The following CIZ1 variants were observed in gnomAD, a reference collection of about 807,000 sequenced individuals.
The protein encoded by CIZ1 is CDKN1A interacting zinc finger protein 1.
A neutral mutation model predicts 118.6 loss-of-function variants in CIZ1; 58 were observed. The observed-to-expected ratio is 0.49, with a 90% CI of 0.40 to 0.61. CIZ1 has a LOEUF of 0.61. Among genes scored for constraint, CIZ1 ranks in the 20% least tolerant of loss-of-function variants. The pLI is 0.00. For missense variants in CIZ1, 921 were observed against 1,115.9 expected (o/e 0.83, Z 2.49); for synonymous variants, 448 against 443.4 (o/e 1.01, Z -0.13).
intron 1 of CIZ1, 27 bp from the exon 2 acceptor site, chr9:128,190,889 A>G: frequency 6.6e-7 from 1 of 1,518,564 alleles, no homozygotes; most frequent in Non-Finnish European, 8.8e-7. Flanking sequence ...GAGTGAGGCA[A>G]GGGGTCCCCA....
chr9:128,191,895 C>A (rs144814370), upstream of CIZ1: 6,480 of 1,445,730 alleles, frequency 4.5e-3, 18 homozygotes, highest in Non-Finnish European at 5.1e-3. The surrounding 1 kb of genome is among the most constrained non-coding windows in gnomAD (Gnocchi z 5.5). Context: ...TGGGGCCCCG[C>A]GCGGGGCTGC....
Position 128,203,420 on chromosome 9 carries a change from C to T in CIZ1, c.-6+766G>A. ...TGCAGCGGCGGAGCCGGAGTCGGAG[C>T]CGGGAGCGCTAGCGGCAGCCGGATC... On this transcript the variant is annotated intron_variant, in intron 1 of 17. Coordinates refer to the CIZ1 transcript ENST00000372948. The surrounding 1 kb of genome is among the most constrained non-coding windows in gnomAD (Gnocchi z 5.3). 4 of 1,395,496 alleles carry T rather than the reference C, an allele frequency of 2.9e-6. No homozygotes were observed. The highest frequency in any genetic ancestry group is 3.7e-6 in the Non-Finnish European group (4 of 1,071,588). 86.4% of individuals were successfully genotyped at this position (1,395,496 alleles called of 1,614,324 possible). A position where few individuals can be genotyped will look rare whatever the true frequency, so the allele number is the denominator to read the frequency against.
chr9:128,180,818 CT>C lies in CIZ1; in HGVS notation c.589-5del. 6.2e-7 allele frequency: 1 copy of C among 1,605,614 alleles called. No individual in the cohort carries two copies. Among genetic ancestry groups the C allele is most frequent in the Non-Finnish European group, 8.5e-7 (1 of 1,175,824 alleles). On this transcript the variant is annotated splice_region_variant and splice_polypyrimidine_tract_variant and intron_variant, in intron 5 of 16. Coordinates refer to ENST00000372938, the MANE Select transcript of CIZ1 (RefSeq NM_001131016.2). Reference sequence around the variant, plus strand: ...GCATTGTCTGAGAAGAAGAATCCTGCTTCCTTTCAGAAACTATGTTGACATC... The same window carrying C: ...GCATTGTCTGAGAAGAAGAATCCTGCTCCTTTCAGAAACTATGTTGACATC...
intron 9 of CIZ1, 27 bp downstream of exon 9, chr9:128,178,342 C>T (rs1831132461): frequency 6.2e-7 from 1 of 1,602,050 alleles, no homozygotes; most frequent in African/African-American, 1.3e-5. Context: ...GTGGCCCTCA[C>T]ACTGCCACAT....
chr9:128,167,174 T>C lies in CIZ1; in HGVS notation c.2296-10A>G, dbSNP rs372111295. On this transcript the variant is annotated splice_polypyrimidine_tract_variant and intron_variant, in intron 14 of 16. Transcript: ENST00000372938. ...TATCTCTGGACCTCACCTGAAAACA[T>C]GCAAGTGTGGGCCTCGGATCTGGCT... The C allele has an allele frequency of 1.1e-5, 17 of 1,569,564 alleles. No individual in the cohort carries two copies. Among genetic ancestry groups the C allele is most frequent in the Middle Eastern group, 1.7e-4 (1 of 5,886 alleles).
At chr9:128,178,566 T>C (rs1013566496) in intron 8 of CIZ1, 76 bp from the exon 9 acceptor site, 28 of 1,608,236 alleles carry the variant, frequency 1.7e-5, no homozygotes, top group South Asian at 2.2e-5. Context: ...AGCCAGAACC[T>C]TGAGGCCCCC....
rs556609918 is a variant in CIZ1, at chr9:128,201,286, C to G, written c.-6+2900G>C. Among the ~76,000 whole-genome samples, 35 of 149,178 alleles carry G rather than the reference C, an allele frequency of 2.3e-4. No individual in the cohort carries two copies. In the South Asian group the frequency reaches 7.5e-3, roughly 32 times the overall value. On this transcript the variant is annotated intron_variant, in intron 1 of 17. Coordinates refer to the CIZ1 transcript ENST00000372948. ...CCGTCTCAAAAAACAAACAAACAAA[C>G]AAAAAATACAAAAATTAGCTAGGAG...
intron 1 of CIZ1, among the ~76,000 whole-genome samples, chr9:128,202,426 G>A (rs1049840980): frequency 6.6e-6 from 1 of 152,168 alleles, no homozygotes; most frequent in Non-Finnish European, 1.5e-5. Flanking sequence ...ACTGTTTTAC[G>A]CTGTTTTACC....
Position 128,166,457 on chromosome 9 carries a change from G to A in CIZ1, c.2488-51C>T, listed in dbSNP as rs577879998. The A allele has an allele frequency of 5.1e-6, 7 of 1,375,034 alleles. No individual in the cohort carries two copies. In the Admixed American group the frequency reaches 1.5e-4, roughly 29 times the overall value. The allele number at this position is 1,375,034 out of a possible 1,614,324, so 85.2% of individuals were successfully genotyped here. On this transcript the variant is annotated intron_variant, in intron 16 of 16. Coordinates refer to ENST00000372938, the MANE Select transcript of CIZ1 (RefSeq NM_001131016.2). This position sits in a 1 kb window ranked among gnomAD's most constrained non-coding sequence, Gnocchi z 4.4. ...TCAGGGTCTCCTCCCTACATGGTAT[G>A]CTCCTGGCCAGCAGCTACTTCCCCA...
At chr9:128,180,123 G>A (rs545062909) in intron 7 of CIZ1, among the ~76,000 whole-genome samples, 50 of 152,282 alleles carry the variant, frequency 3.3e-4, no homozygotes, top group African/African-American at 1.2e-3. Context: ...AATTGGCTTT[G>A]TAAATGGCCT....
intron 7 of CIZ1, 131 bp downstream of exon 7, chr9:128,180,284 C>T (rs1831408429): frequency 4.4e-6 from 3 of 675,752 alleles, no homozygotes; most frequent in South Asian, 1.8e-5. Context: ...TCCTCCAAAT[C>T]AGAGGCCAAG....
At chr9:128,181,811 A>G (rs921429767) in intron 5 of CIZ1, among the ~76,000 whole-genome samples, 8 of 149,006 alleles carry the variant, frequency 5.4e-5, no homozygotes, top group Middle Eastern at 3.2e-3. Context: ...TTTAGAGAAG[A>G]CTCTGCTCCT....
chr9:128,173,850 C>T (rs1250023528), intron 11 of CIZ1, among the ~76,000 whole-genome samples: 1 of 151,840 alleles, frequency 6.6e-6, no homozygotes, highest in Non-Finnish European at 1.5e-5. Flanking sequence ...ACTAAAAATA[C>T]AAAAAATTAG....
intron 11 of CIZ1, among the ~76,000 whole-genome samples, chr9:128,175,782 G>A (rs566286056): frequency 1.2e-4 from 19 of 152,192 alleles, no homozygotes; most frequent in South Asian, 4.2e-4. Flanking sequence ...CTGTGTCCCC[G>A]CTGTGGCCCT....
intron 5 of CIZ1, among the ~76,000 whole-genome samples, chr9:128,185,098 G>A (rs1430836493): frequency 1.3e-5 from 2 of 152,026 alleles, no homozygotes; most frequent in South Asian, 2.1e-4. Flanking sequence ...GACCAACATG[G>A]AGAAACCCCG....
intron 2 of CIZ1, 58 bp downstream of exon 2, chr9:128,190,630 C>A: frequency 1.6e-5 from 24 of 1,525,430 alleles, no homozygotes; most frequent in Non-Finnish European, 1.9e-5. Context: ...ATCGGGAGCT[C>A]CGAGACATGG....
intron 1 of CIZ1, among the ~76,000 whole-genome samples, chr9:128,201,810 A>G (rs1388320548): frequency 4.6e-5 from 7 of 152,052 alleles, no homozygotes; most frequent in African/African-American, 1.7e-4. Context: ...ACGTGGAGGG[A>G]CCTGGGTCAC....
At chr9:128,176,832 C>G (rs1459307697) in intron 10 of CIZ1, among the ~76,000 whole-genome samples, 1 of 152,182 alleles carries the variant, frequency 6.6e-6, no homozygotes, top group Non-Finnish European at 1.5e-5. Flanking sequence ...CACTTTGGGC[C>G]AGGCCTGCGC....
At position 128,180,424 on chromosome 9, in the gene CIZ1, C is replaced by A; in HGVS notation, c.782G>T (p.Arg261Ile). 3 of 1,613,954 alleles carry A rather than the reference C, an allele frequency of 1.9e-6. No individual in the cohort carries two copies. ...PCEASELPAKRLRSSEEPTEK... is the reference protein window; with the variant it reads ...PCEASELPAKILRSSEEPTEK... ...TTTCAGCATCAGTTACCTCCTCAAT[C>A]TCTTTGCTGGCAGCTCGGACGCCTC... is the stretch of plus-strand genomic sequence containing the variant. Residue 261 changes from arginine to isoleucine, a missense_variant, in exon 7 of 17, where the codon AGA becomes ATA. Coordinates refer to ENST00000372938, the MANE Select transcript of CIZ1 (RefSeq NM_001131016.2).
Sources: allele counts gnomAD v4.1 joint callset (sites outside exome capture counted in the v4.1 genomes callset), GRCh38; gene constraint gnomAD v4.1.1; non-coding constraint Gnocchi (gnomAD v3.1); transcripts MANE v1.5; gene names NCBI Gene and HGNC (gene_info 2026-07-23, HGNC 2026-07-21).